The following GRIN2A variants were observed in gnomAD, a reference collection of about 807,000 sequenced individuals.
GRIN2A encodes the protein glutamate ionotropic receptor NMDA type subunit 2A, also known as glutamate receptor ionotropic, NMDA 2A.
A neutral mutation model predicts 113.4 loss-of-function variants in GRIN2A; 22 were observed. The observed-to-expected ratio is 0.19, with a 90% CI of 0.14 to 0.28. GRIN2A has a LOEUF of 0.28. Among genes scored for constraint, GRIN2A ranks in the 10% least tolerant of loss-of-function variants. The pLI, the probability that GRIN2A is intolerant of heterozygous loss-of-function variation, is 1.00. For synonymous variants in GRIN2A, 827 were observed against 738.4 expected, an observed-to-expected ratio of 1.12 and a Z score of -1.94; for missense variants, 1,502 against 1,887.0, an observed-to-expected ratio of 0.80 and a Z score of 3.78.
At chr16:10,134,325 C>A (rs919868455) in intron 2 of GRIN2A, among the ~76,000 whole-genome samples, 3 of 152,018 alleles carry the variant, frequency 2.0e-5, no homozygotes, top group African/African-American at 7.2e-5. Context: ...AGTAACCAGT[C>A]CTTTCTCATG....
At chr16:10,105,441 C>T (rs1000115294) in intron 2 of GRIN2A, among the ~76,000 whole-genome samples, 2 of 151,648 alleles carry the variant, frequency 1.3e-5, no homozygotes, top group Non-Finnish European at 2.9e-5. Context: ...AATCAGCTGA[C>T]CCAATGTTTA....
chr16:10,117,460 C>G (rs1481118278), intron 2 of GRIN2A, among the ~76,000 whole-genome samples: 1 of 152,158 alleles, frequency 6.6e-6, no homozygotes, highest in Non-Finnish European at 1.5e-5. Context: ...AGAGTTATCT[C>G]TGCTTATGAT....
intron 10 of GRIN2A, among the ~76,000 whole-genome samples, chr16:9,800,963 G>A (rs922206746): frequency 1.1e-4 from 16 of 152,232 alleles, no homozygotes; most frequent in Non-Finnish European, 2.1e-4. Flanking sequence ...CACTGGAGTA[G>A]TAGGTGAAAG....
At chr16:10,176,813 C>T (rs1030787165) in intron 2 of GRIN2A, among the ~76,000 whole-genome samples, 2 of 151,838 alleles carry the variant, frequency 1.3e-5, no homozygotes, top group African/African-American at 4.8e-5. Context: ...CAAACCTGCA[C>T]GTTGTGCACA....
intron 2 of GRIN2A, among the ~76,000 whole-genome samples, chr16:9,942,326 C>T (rs922212619): frequency 2.0e-5 from 3 of 152,168 alleles, no homozygotes; most frequent in African/African-American, 7.2e-5. Flanking sequence ...ATACCATGAG[C>T]TCTAGGGTCT....
At chr16:10,045,801 C>A (rs148295297) in intron 2 of GRIN2A, among the ~76,000 whole-genome samples, 6 of 152,336 alleles carry the variant, frequency 3.9e-5, no homozygotes, top group African/African-American at 1.4e-4. Flanking sequence ...ATGGAGTCCT[C>A]ATTTTGTTCA....
chr16:10,011,039 G>A (rs1376589761), intron 2 of GRIN2A, among the ~76,000 whole-genome samples: 3 of 152,118 alleles, frequency 2.0e-5, no homozygotes, highest in African/African-American at 7.2e-5. Context: ...AAAGTTCCCA[G>A]CCACCAATGC....
intron 4 of GRIN2A, among the ~76,000 whole-genome samples, chr16:9,859,396 T>A (rs1483676500): frequency 1.3e-5 from 2 of 152,114 alleles, no homozygotes; most frequent in African/African-American, 4.8e-5. Context: ...CAGTTTTTAC[T>A]ATTATAAGAA....
chr16:10,063,859 G>T lies in GRIN2A; in HGVS notation c.414+116139C>A, dbSNP rs545928551. On this transcript the variant is annotated intron_variant, in intron 2 of 12. Coordinates refer to ENST00000330684, the MANE Select transcript of GRIN2A (RefSeq NM_001134407.3). ...CATTTCTTGCACCGCCAAAAGCCGG[G>T]CTGATAATGGAGCAAATACCCTCTT... is the stretch of plus-strand genomic sequence containing the variant. 8.5e-5 allele frequency among the ~76,000 whole-genome samples: 13 copies of T among 152,262 alleles called. No individual in the cohort carries two copies. The South Asian group carries it at 1.2e-3, about 15-fold the overall frequency.
At chr16:9,958,269 C>T (rs1596362271) in intron 2 of GRIN2A, among the ~76,000 whole-genome samples, 4 of 152,298 alleles carry the variant, frequency 2.6e-5, no homozygotes, top group Middle Eastern at 3.4e-3. Flanking sequence ...GAACTTACTA[C>T]TAAATCCATC....
chr16:9,786,206 A>G (rs550113106), intron 11 of GRIN2A, among the ~76,000 whole-genome samples: 1 of 152,330 alleles, frequency 6.6e-6, no homozygotes, highest in African/African-American at 2.4e-5. Context: ...TCCAGCAACC[A>G]AGACAGGTCT....
At chr16:9,845,706 C>A (rs993051190) in intron 5 of GRIN2A, among the ~76,000 whole-genome samples, 1 of 152,152 alleles carries the variant, frequency 6.6e-6, no homozygotes, top group Non-Finnish European at 1.5e-5. Context: ...AGGCTTTGCC[C>A]AGATATTCAC....
intron 4 of GRIN2A, among the ~76,000 whole-genome samples, chr16:9,851,500 T>C (rs2042881877): frequency 6.6e-6 from 1 of 152,262 alleles, no homozygotes; most frequent in South Asian, 2.1e-4. Flanking sequence ...TTCTTGGAAC[T>C]GTCAGTCAGT....
At chr16:9,915,550 G>C (rs926232199) in intron 3 of GRIN2A, among the ~76,000 whole-genome samples, 1 of 152,168 alleles carries the variant, frequency 6.6e-6, no homozygotes. Context: ...ATGGAATCCT[G>C]CTCCTAAAAC....
chr16:9,896,948 T>A (rs1203065826), intron 3 of GRIN2A, among the ~76,000 whole-genome samples: 2 of 152,220 alleles, frequency 1.3e-5, no homozygotes, highest in African/African-American at 4.8e-5. Context: ...TTGTTTTGCT[T>A]ATCTCTACAA....
rs550826732 is a variant in GRIN2A at position 9,791,207 on chromosome 16, T to C, written c.2356+7070A>G. On this transcript the variant is annotated intron_variant, in intron 11 of 12. Transcript: ENST00000330684. ...GGAGTTCACAGGCAGGGTATCTAGC[T>C]TAGAGGTCTTTATGGGAGTATTCAC... Among the ~76,000 whole-genome samples the C allele has an allele frequency of 3.2e-4, 49 of 152,198 alleles. 1 individual carries two copies. Among genetic ancestry groups the C allele is most frequent in the African/African-American group, 1.1e-3 (45 of 41,530 alleles).
At chr16:9,898,172 C>A (rs182537453) in intron 3 of GRIN2A, among the ~76,000 whole-genome samples, 4 of 150,400 alleles carry the variant, frequency 2.7e-5, no homozygotes, top group African/African-American at 4.9e-5. Context: ...TAGCACAGTG[C>A]CTGGTATACA....
intron 2 of GRIN2A, among the ~76,000 whole-genome samples, chr16:10,056,721 C>A (rs2047462668): frequency 6.6e-6 from 1 of 152,108 alleles, no homozygotes; most frequent in Non-Finnish European, 1.5e-5. Context: ...GAATGATGTA[C>A]CTACAAGCCA....
intron 2 of GRIN2A, among the ~76,000 whole-genome samples, chr16:9,964,605 T>C (rs2045514109): frequency 6.6e-6 from 1 of 152,334 alleles, no homozygotes; most frequent in African/African-American, 2.4e-5. Flanking sequence ...CCTTGACTTT[T>C]CCACCTTTCA....
Sources: allele counts gnomAD v4.1 joint callset (sites outside exome capture counted in the v4.1 genomes callset), GRCh38; gene constraint gnomAD v4.1.1; transcripts MANE v1.5; gene names NCBI Gene and HGNC (gene_info 2026-07-23, HGNC 2026-07-21).